CPA4: variants seen among roughly 807,000 people sequenced by gnomAD.
CPA4 encodes the protein carboxypeptidase A3.
In CPA4, 49 loss-of-function variants were observed where a neutral mutation model predicts 54.7. That is an observed-to-expected ratio of 0.90 (90% confidence interval 0.71 to 1.14). The LOEUF is 1.14. Among genes scored for constraint, CPA4 ranks in the 50% most tolerant of loss-of-function variants. The pLI is 0.00. For synonymous variants in CPA4, 215 were observed against 206.8 expected, an observed-to-expected ratio of 1.04 and a Z score of -0.34; for missense variants, 487 against 525.1, an observed-to-expected ratio of 0.93 and a Z score of 0.71.
intron 10 of CPA4, among the ~76,000 whole-genome samples, chr7:130,316,144 A>G (rs183320971): frequency 1.8e-4 from 27 of 152,220 alleles, no homozygotes; most frequent in African/African-American, 6.3e-4. Context: ...TTTGCTCAAT[A>G]GTCAGCCTCA....
Position 130,310,649 on chromosome 7 carries a change from C to T in CPA4, c.794-138C>T. On this transcript the variant is annotated intron_variant, in intron 8 of 10. Transcript: ENST00000222482. The surrounding 1 kb of genome is among the most constrained non-coding windows in gnomAD (Gnocchi z 4.3). ...TGCCTTCTCTGCAGTCCACACCCAC[C>T]ATGGACTAGGTGCTCTGGGCCGTCT... The T allele has an allele frequency of 1.4e-6, 1 of 713,866 alleles. No individual in the cohort carries two copies. Among genetic ancestry groups the T allele is most frequent in the South Asian group, 1.7e-5 (1 of 58,488 alleles). 44.2% of individuals were successfully genotyped at this position (713,866 alleles called of 1,614,324 possible). A position where few individuals can be genotyped will look rare whatever the true frequency, so the allele number is the denominator to read the frequency against.
Position 130,300,828 on chromosome 7 carries a change from A to T in CPA4, c.298A>T (p.Asn100Tyr). The T allele has an allele frequency of 6.2e-7, 1 of 1,612,874 alleles. No homozygotes were observed. Among genetic ancestry groups the T allele is most frequent in the Non-Finnish European group, 8.5e-7 (1 of 1,178,854 alleles). The change falls in exon 4 of 11, where the codon AAT becomes TAT. Residue 100 changes from asparagine to tyrosine, a missense_variant. Transcript: ENST00000222482. Reference protein sequence around the residue: ...TIEDLQALLDNEDDEMQHNEG... With the variant: ...TIEDLQALLDYEDDEMQHNEG... ...TGTGTGTTTTCAGGCCCTTTTAGAC[A>T]ATGAAGATGATGAAATGCAACACAA...
At chr7:130,295,275 C>T (rs569311341) in intron 1 of CPA4, among the ~76,000 whole-genome samples, 2 of 152,360 alleles carry the variant, frequency 1.3e-5, no homozygotes, top group South Asian at 4.1e-4. Flanking sequence ...GATGCTCAGT[C>T]ACCAAAGTGG....
At chr7:130,314,767 C>T (rs1283294654) in intron 10 of CPA4, among the ~76,000 whole-genome samples, 1 of 152,148 alleles carries the variant, frequency 6.6e-6, no homozygotes, top group Non-Finnish European at 1.5e-5. Context: ...CAGTAAGGAG[C>T]TGTTCAGGAT....
intron 3 of CPA4, among the ~76,000 whole-genome samples, chr7:130,300,073 T>A (rs532929282): frequency 6.6e-6 from 1 of 152,312 alleles, no homozygotes; most frequent in African/African-American, 2.4e-5. Context: ...AGTTTCCTGA[T>A]GGCGTTAGCA....
At chr7:130,318,293 CTT>C (rs1477284233) in intron 10 of CPA4, among the ~76,000 whole-genome samples, 1 of 152,190 alleles carries the variant, frequency 6.6e-6, no homozygotes, top group Non-Finnish European at 1.5e-5. Context: ...CAGACACATT[CTT>C]TTCTCTCCTC....
rs754853395 is a variant in CPA4 at position 130,310,792 on chromosome 7, G to C, written c.799G>C (p.Gly267Arg). Reference protein sequence around the residue: ...RNWNASFAGKGASDNPCSEVY... With the variant: ...RNWNASFAGKRASDNPCSEVY... ...TCTTGGGCTATCCCCAACAGGAAAG[G>C]GAGCCAGCGACAACCCTTGCTCCGA... The change falls in exon 9 of 11, where the codon GGA (glycine) becomes CGA (arginine). Residue 267 changes from glycine (G) to arginine (R), a missense_variant. By Grantham distance (125) the Gly-to-Arg change is moderately radical. Transcript: ENST00000222482. The surrounding 1 kb of genome is among the most constrained non-coding windows in gnomAD (Gnocchi z 4.3). The C allele has an allele frequency of 3.1e-6, 5 of 1,614,078 alleles. No homozygotes were observed. The Admixed American group carries it at 6.7e-5, about 22-fold the overall frequency.
chr7:130,296,878 C>A (rs1160324776), intron 1 of CPA4, among the ~76,000 whole-genome samples: 1 of 151,556 alleles, frequency 6.6e-6, no homozygotes, highest in African/African-American at 2.4e-5. Context: ...TATGATAGAG[C>A]GTGAGTTCAG....
Position 130,308,294 on chromosome 7 carries a change from G to A in CPA4, c.703-13G>A. 6.2e-7 allele frequency: 1 copy of A among 1,612,944 alleles called. No individual in the cohort carries two copies. Among genetic ancestry groups the A allele is most frequent in the South Asian group, 1.1e-5 (1 of 91,056 alleles). ...CCTCTGGTTGTTTGTCCCCTCCTTG[G>A]TGGCTTTTTCAGAACCGATTATGGA... On this transcript the variant is annotated splice_polypyrimidine_tract_variant and intron_variant, in intron 7 of 10. Coordinates refer to ENST00000222482, the MANE Select transcript of CPA4 (RefSeq NM_016352.4).
intron 1 of CPA4, among the ~76,000 whole-genome samples, chr7:130,296,281 G>A (rs1481655581): frequency 5.9e-5 from 9 of 152,182 alleles, no homozygotes; most frequent in Admixed American, 5.9e-4. Context: ...CTCGGCACCC[G>A]CTCTTCTGCC....
At chr7:130,308,443 C>A (rs760745782) in intron 8 of CPA4, 46 bp downstream of exon 8, 8 of 1,500,400 alleles carry the variant, frequency 5.3e-6, no homozygotes, top group Non-Finnish European at 7.4e-6. Flanking sequence ...TCCCTGGGCT[C>A]GCCTGGTCTA....
At chr7:130,305,069 A>G (rs1173149110) in intron 5 of CPA4, among the ~76,000 whole-genome samples, 1 of 152,240 alleles carries the variant, frequency 6.6e-6, no homozygotes, top group African/African-American at 2.4e-5. Context: ...GCAAAGAGGT[A>G]GAGAGCTATG....
chr7:130,302,732 T>TC (rs1171083394), intron 4 of CPA4, among the ~76,000 whole-genome samples: 1 of 152,190 alleles, frequency 6.6e-6, no homozygotes, highest in East Asian at 1.9e-4. Context: ...CTGCTTTTCC[T>TC]CCACTCCCTA....
intron 7 of CPA4, among the ~76,000 whole-genome samples, chr7:130,307,790 G>A (rs566002375): frequency 3.9e-5 from 6 of 152,274 alleles, no homozygotes; most frequent in South Asian, 4.1e-4. Flanking sequence ...TAGGGGAGAA[G>A]CCAAGTAATT....
chr7:130,301,772 T>C (rs886371790), intron 4 of CPA4, among the ~76,000 whole-genome samples: 1 of 152,218 alleles, frequency 6.6e-6, no homozygotes, highest in Non-Finnish European at 1.5e-5. Context: ...TCGGTAGCTT[T>C]GTTTATTGTA....
chr7:130,305,554 A>G (rs1334260627), intron 5 of CPA4, among the ~76,000 whole-genome samples: 1 of 152,192 alleles, frequency 6.6e-6, no homozygotes, highest in Non-Finnish European at 1.5e-5. Flanking sequence ...GGCATCATAA[A>G]ACACAGTAAC....
At chr7:130,294,335 G>C (rs1041611350) in intron 1 of CPA4, among the ~76,000 whole-genome samples, 1 of 152,230 alleles carries the variant, frequency 6.6e-6, no homozygotes, top group South Asian at 2.1e-4. Flanking sequence ...GAGACTTTGG[G>C]GTTGTTTTTT....
rs1794138326 is a variant in CPA4, at chr7:130,322,808, C to T, written c.*132C>T. 1.3e-6 allele frequency: 1 copy of T among 784,114 alleles called. No homozygotes were observed. Among genetic ancestry groups the T allele is most frequent in the African/African-American group, 1.7e-5 (1 of 57,320 alleles). The allele number at this position is 784,114 out of a possible 1,614,324, so 48.6% of individuals were successfully genotyped here. A position where few individuals can be genotyped will look rare whatever the true frequency, so the allele number is the denominator to read the frequency against. On this transcript the variant is annotated 3_prime_UTR_variant, in exon 11 of 11. Coordinates refer to ENST00000222482, the MANE Select transcript of CPA4 (RefSeq NM_016352.4). ...TTGTGGAGCACACAGGCCTGCCCCT[C>T]TCCAGCCAGCTCCCTGGAGTCGTGT...
chr7:130,311,221 T>G (rs1793908100), intron 9 of CPA4, among the ~76,000 whole-genome samples: 1 of 152,198 alleles, frequency 6.6e-6, no homozygotes, highest in African/African-American at 2.4e-5. Context: ...TGCCCCGCCT[T>G]TCCGTCTCCC....
Sources: gnomAD v4.1 joint callset for allele counts (sites outside exome capture counted in the v4.1 genomes callset) on GRCh38, gnomAD v4.1.1 for gene constraint, Gnocchi (gnomAD v3.1) non-coding constraint, MANE v1.5 for transcripts, NCBI Gene and HGNC (gene_info 2026-07-23, HGNC 2026-07-21) for gene names.